The following ADAM29 variants were observed in gnomAD, a reference collection of about 807,000 sequenced individuals.
The protein encoded by ADAM29 is ADAM metallopeptidase domain 29.
For synonymous variants in ADAM29, 367 were observed against 342.3 expected (o/e 1.07, Z -0.80); for missense variants, 969 against 1,001.8 (o/e 0.97, Z 0.44).
intron 4 of ADAM29, among the ~76,000 whole-genome samples, chr4:174,957,718 A>G (rs1745583963): frequency 6.6e-6 from 1 of 151,764 alleles, no homozygotes; most frequent in South Asian, 2.1e-4. Context: ...TACACTCCTT[A>G]TGAGTTATTT....
intron 4 of ADAM29, among the ~76,000 whole-genome samples, chr4:174,971,928 A>G (rs1296022247): frequency 6.6e-6 from 1 of 152,148 alleles, no homozygotes; most frequent in Non-Finnish European, 1.5e-5. Flanking sequence ...TTCCAATGAT[A>G]TGTTTTCAAG....
At chr4:174,950,710 G>T (rs935234946) in intron 4 of ADAM29, among the ~76,000 whole-genome samples, 2 of 152,100 alleles carry the variant, frequency 1.3e-5, no homozygotes, top group African/African-American at 4.8e-5. Flanking sequence ...ACTTGATGTG[G>T]TTTATCTCTG....
intron 4 of ADAM29, among the ~76,000 whole-genome samples, chr4:174,958,137 A>G (rs1452648334): frequency 6.6e-6 from 1 of 151,802 alleles, no homozygotes; most frequent in Non-Finnish European, 1.5e-5. Flanking sequence ...GCTGTTTTTA[A>G]ATAGAGTGTT....
chr4:174,977,557 T>TATC lies in ADAM29; in HGVS notation c.2033_2035dup (p.Tyr678_Leu679insHis). 1 of 1,614,134 alleles carries TATC rather than the reference T, an allele frequency of 6.2e-7. No individual in the cohort carries two copies. Among genetic ancestry groups the TATC allele is most frequent in the South Asian group, 1.1e-5 (1 of 91,084 alleles). On this transcript the variant is annotated inframe_insertion, in exon 5 of 5. Transcript: ENST00000359240. ...GAGAAAGAAGAAAAAGAAGTTCTGT[T>TATC]ATCTGTGTATATTGTTGCTTATTGT...
rs1417000320 is a variant in ADAM29, at chr4:174,977,483, G to A, written c.1958G>A (p.Cys653Tyr). ...HCNYLWDPPN[C>Y]LIKGYGGSVD... ...AATTATCTGTGGGACCCTCCCAACTGCCTGATAAAAGGCTATGGAGGTAGT... is the reference window on the plus strand; with the variant it reads ...AATTATCTGTGGGACCCTCCCAACTACCTGATAAAAGGCTATGGAGGTAGT... The change falls in exon 5 of 5, where the codon TGC (cysteine) becomes TAC (tyrosine). Residue 653 changes from cysteine to tyrosine, a missense_variant. Coordinates refer to ENST00000359240, the MANE Select transcript of ADAM29 (RefSeq NM_014269.4). The A allele has an allele frequency of 1.9e-6, 3 of 1,613,938 alleles. No homozygotes were observed. The highest frequency in any genetic ancestry group is 2.5e-6 in the Non-Finnish European group (3 of 1,180,006).
At chr4:174,920,485 A>G (rs1743105028) in intron 1 of ADAM29, among the ~76,000 whole-genome samples, 1 of 152,144 alleles carries the variant, frequency 6.6e-6, no homozygotes, top group South Asian at 2.1e-4. Context: ...TATCTAGTAA[A>G]TTTATTAAAA....
chr4:174,942,858 T>A (rs1376491615), intron 4 of ADAM29, among the ~76,000 whole-genome samples: 3 of 152,232 alleles, frequency 2.0e-5, no homozygotes, highest in Non-Finnish European at 4.4e-5. Context: ...TCCAAACTTT[T>A]ACACTCTGCT....
At chr4:174,920,157 C>A (rs564594936) in intron 1 of ADAM29, among the ~76,000 whole-genome samples, 5 of 152,122 alleles carry the variant, frequency 3.3e-5, no homozygotes, top group Non-Finnish European at 7.4e-5. Flanking sequence ...TCTCAACAAA[C>A]CAGTATCATG....
chr4:174,971,042 C>A (rs555826088), intron 4 of ADAM29, among the ~76,000 whole-genome samples: 1 of 152,136 alleles, frequency 6.6e-6, no homozygotes, highest in Non-Finnish European at 1.5e-5. Flanking sequence ...CTGCAATTTA[C>A]ATCCATTCAT....
intron 2 of ADAM29, among the ~76,000 whole-genome samples, chr4:174,923,644 AC>A (rs1418093215): frequency 6.6e-6 from 1 of 150,872 alleles, no homozygotes; most frequent in African/African-American, 2.4e-5. Context: ...AAGAACAACA[AC>A]AAAATCTGAA....
chr4:174,948,482 T>C, intron 4 of ADAM29, among the ~76,000 whole-genome samples: 1 of 152,238 alleles, frequency 6.6e-6, no homozygotes, highest in South Asian at 2.1e-4. Flanking sequence ...GATCAGCTGG[T>C]ACTGAGCCCC....
At chr4:174,974,118 C>T (rs752023564) in intron 4 of ADAM29, among the ~76,000 whole-genome samples, 1 of 152,136 alleles carries the variant, frequency 6.6e-6, no homozygotes, top group Non-Finnish European at 1.5e-5. Flanking sequence ...GTTTGGTGGG[C>T]CTGCCAAGTC....
chr4:174,969,331 A>G, intron 4 of ADAM29, among the ~76,000 whole-genome samples: 1 of 151,770 alleles, frequency 6.6e-6, no homozygotes. Flanking sequence ...ACAAAGTAAA[A>G]ATTAAAAAAA....
chr4:174,939,404 C>G (rs886995645), intron 4 of ADAM29, among the ~76,000 whole-genome samples: 1 of 151,992 alleles, frequency 6.6e-6, no homozygotes, highest in Non-Finnish European at 1.5e-5. Flanking sequence ...TATTCTGGTT[C>G]GAATATTCTG....
At chr4:174,929,322 A>G (rs1381186413) in intron 2 of ADAM29, among the ~76,000 whole-genome samples, 4 of 152,216 alleles carry the variant, frequency 2.6e-5, no homozygotes, top group African/African-American at 9.6e-5. Context: ...GATGCTTTCA[A>G]AAAGACCCAG....
intron 2 of ADAM29, among the ~76,000 whole-genome samples, chr4:174,929,676 T>G (rs182509992): frequency 2.8e-4 from 43 of 152,132 alleles, no homozygotes; most frequent in Non-Finnish European, 4.0e-4. Flanking sequence ...CCCACTTGTC[T>G]GCCTCATTTT....
chr4:174,976,552 G>T lies in ADAM29; in HGVS notation c.1027G>T (p.Asp343Tyr), dbSNP rs760320174. ...AGGTCATAATTTGGGCATGAACCAT[G>T]ATGAGGATACATGTCGTTGTTCACA... ...HLGHNLGMNH[D>Y]EDTCRCSQPR... Residue 343 changes from aspartate to tyrosine, a missense_variant, in exon 5 of 5, where the codon GAT (aspartate) becomes TAT (tyrosine). Asp to Tyr is a radical substitution (Grantham distance 160). Coordinates refer to ENST00000359240, the MANE Select transcript of ADAM29 (RefSeq NM_014269.4). 2.7e-5 allele frequency: 44 copies of T among 1,602,704 alleles called. No homozygotes were observed. Among genetic ancestry groups the T allele is most frequent in the Non-Finnish European group, 3.7e-5 (43 of 1,174,902 alleles).
intron 4 of ADAM29, among the ~76,000 whole-genome samples, chr4:174,944,613 G>A (rs561842181): frequency 5.3e-5 from 8 of 152,006 alleles, no homozygotes; most frequent in Non-Finnish European, 1.0e-4. Flanking sequence ...TTGATGTACT[G>A]ATTATTTTGT....
chr4:174,932,183 A>G (rs573779573), intron 3 of ADAM29, among the ~76,000 whole-genome samples: 2 of 152,230 alleles, frequency 1.3e-5, no homozygotes, highest in Admixed American at 1.3e-4. Flanking sequence ...GCTACTCGAG[A>G]GGCTGAGGCA....
Sources: allele counts gnomAD v4.1 joint callset (sites outside exome capture counted in the v4.1 genomes callset), GRCh38; gene constraint gnomAD v4.1.1; transcripts MANE v1.5; gene names NCBI Gene and HGNC (gene_info 2026-07-23, HGNC 2026-07-21).